Variants in DPP6 observed in about 807,000 individuals in gnomAD.
DPP6 encodes A-type potassium channel modulatory protein DPP6.
DPP6 carries 69 observed loss-of-function variants against 122.6 expected under a neutral mutation model. That is an observed-to-expected ratio of 0.56 (90% CI 0.46 to 0.69). The LOEUF is 0.69. Among genes scored for constraint, DPP6 ranks in the 30% least tolerant of loss-of-function variants. The pLI, the probability that DPP6 is intolerant of heterozygous loss-of-function variation, is 0.00. For synonymous variants in DPP6, 418 were observed against 433.1 expected, an observed-to-expected ratio of 0.97 and a Z score of 0.43; for missense variants, 928 against 1,116.9, an observed-to-expected ratio of 0.83 and a Z score of 2.41.
At chr7:154,444,818 C>T (rs1819713303) in intron 1 of DPP6, among the ~76,000 whole-genome samples, 1 of 152,238 alleles carries the variant, frequency 6.6e-6, no homozygotes, top group East Asian at 1.9e-4. Context: ...AAAGAAAATA[C>T]TACCTAATAG....
At chr7:153,916,583 A>G (rs913324728) in intron 1 of DPP6, among the ~76,000 whole-genome samples, 1 of 151,282 alleles carries the variant, frequency 6.6e-6, no homozygotes, top group African/African-American at 2.4e-5. Context: ...TAATTTTTGT[A>G]TTTTTAGTAG....
At chr7:153,874,242 G>A in the DPP6 span, among the ~76,000 whole-genome samples, 11 of 124,102 alleles carry the variant, frequency 8.9e-5, no homozygotes, top group Admixed American at 6.7e-4. Context: ...ATAAGCGCGC[G>A]TGCGCACATG....
In DPP6 at chr7:154,090,649, G is replaced by A. The variant is rs574662434; in HGVS notation, c.243+37586G>A. On this transcript the variant is annotated intron_variant, in intron 1 of 25. Transcript: ENST00000377770. ...AGGCTGGACTTGCTGCTTCTGGTCCGTTGAGCTGAGAAGCACAGAGGTTCA... is the reference window on the plus strand; with the variant it reads ...AGGCTGGACTTGCTGCTTCTGGTCCATTGAGCTGAGAAGCACAGAGGTTCA... Among the ~76,000 whole-genome samples, 271 of 151,834 alleles carry A rather than the reference G, an allele frequency of 1.8e-3. 1 individual carries two copies. Among genetic ancestry groups the A allele is most frequent in the African/African-American group, 6.2e-3 (255 of 41,370 alleles).
At chr7:154,646,679 T>A (rs1206992289) in intron 6 of DPP6, among the ~76,000 whole-genome samples, 2 of 151,922 alleles carry the variant, frequency 1.3e-5, no homozygotes, top group African/African-American at 4.8e-5. Context: ...CTTCTTTCTC[T>A]CCGTCATTCT....
At chr7:153,949,800 A>G (rs1802122950) in intron 1 of DPP6, among the ~76,000 whole-genome samples, 2 of 152,210 alleles carry the variant, frequency 1.3e-5, no homozygotes, top group African/African-American at 4.8e-5. Context: ...CTTGCATGAA[A>G]GGGAAGCTGG....
intron 1 of DPP6, among the ~76,000 whole-genome samples, chr7:154,284,122 C>T (rs1432308199): frequency 2.0e-5 from 3 of 151,964 alleles, no homozygotes; most frequent in East Asian, 1.9e-4. Flanking sequence ...TAAAGAGAGG[C>T]GAGTGAGACC....
chr7:154,305,336 A>AGGGCC, intron 1 of DPP6: 8 of 362,140 alleles, frequency 2.2e-5, no homozygotes, highest in South Asian at 6.7e-5. Context: ...CGTCTTGTCT[A>AGGGCC]CCCACCCTCC....
intron 1 of DPP6, among the ~76,000 whole-genome samples, chr7:154,061,881 A>C: frequency 9.5e-6 from 1 of 105,194 alleles, no homozygotes; most frequent in South Asian, 4.1e-4. Context: ...CCCGCGAGGC[A>C]GGGACTGAGA....
rs1345907721 is a variant in DPP6, at chr7:154,483,957, T to C, written c.457+8920T>C. Reference sequence around the variant, plus strand: ...ATCTGCCCGCCTCAGCCTCCCAAAGTGTTGGGATTACAGATGTGAGCCACC... The same window carrying C: ...ATCTGCCCGCCTCAGCCTCCCAAAGCGTTGGGATTACAGATGTGAGCCACC... On this transcript the variant is annotated intron_variant, in intron 3 of 25. Transcript: ENST00000377770. This position sits in a 1 kb window ranked among gnomAD's most constrained non-coding sequence, Gnocchi z 8.1. 5.3e-5 allele frequency among the ~76,000 whole-genome samples: 8 copies of C among 152,318 alleles called. No homozygotes were observed. The East Asian group carries it at 1.5e-3, about 29-fold the overall frequency.
intron 1 of DPP6, among the ~76,000 whole-genome samples, chr7:153,955,440 A>G (rs568352798): frequency 2.6e-5 from 4 of 151,928 alleles, no homozygotes; most frequent in Admixed American, 2.6e-4. Context: ...GTTGTTATTT[A>G]TTTATGTATT....
intron 1 of DPP6, among the ~76,000 whole-genome samples, chr7:154,425,613 T>TATGTGG (rs1817828737): frequency 1.5e-5 from 2 of 130,292 alleles, no homozygotes; most frequent in Non-Finnish European, 3.1e-5. Flanking sequence ...AATGTGTGTG[T>TATGTGG]GTGTGTGGGT....
chr7:153,789,806 C>T, the DPP6 span, among the ~76,000 whole-genome samples: 34 of 152,222 alleles, frequency 2.2e-4, 1 homozygote, highest in South Asian at 7.1e-3. Flanking sequence ...GAGGTAGTGG[C>T]AACTATCATT....
intron 6 of DPP6, among the ~76,000 whole-genome samples, chr7:154,662,707 A>G (rs1837821648): frequency 1.0e-5 from 1 of 95,970 alleles, no homozygotes; most frequent in South Asian, 4.7e-4. Flanking sequence ...TCATATAGTC[A>G]TGGTGAATCA....
intron 17 of DPP6, among the ~76,000 whole-genome samples, chr7:154,855,432 C>CCT: frequency 6.6e-6 from 1 of 152,210 alleles, no homozygotes; most frequent in Admixed American, 6.5e-5. Context: ...TTCCTGTGCT[C>CCT]CTCCCCAGAG....
At chr7:154,211,437 G>A (rs577670424) in intron 1 of DPP6, among the ~76,000 whole-genome samples, 11 of 152,214 alleles carry the variant, frequency 7.2e-5, no homozygotes, top group South Asian at 2.1e-4. Flanking sequence ...GTTTCTTCCC[G>A]ACCCCTTCGC....
rs146028335 is a variant in DPP6, at chr7:154,873,724, A to G, written c.1883+1031A>G. ...ACTTTCCCAGCAGCCATGCATGCACACTCACCCACATGCAGACACACGCAC... is the reference window on the plus strand; with the variant it reads ...ACTTTCCCAGCAGCCATGCATGCACGCTCACCCACATGCAGACACACGCAC... On this transcript the variant is annotated intron_variant, in intron 19 of 25. Transcript: ENST00000377770. Among the ~76,000 whole-genome samples, 220 of 152,212 alleles carry G rather than the reference A, an allele frequency of 1.4e-3. 1 individual carries two copies. Among genetic ancestry groups the G allele is most frequent in the African/African-American group, 5.1e-3 (212 of 41,520 alleles).
chr7:154,557,344 A>C (rs1027064015), intron 4 of DPP6, among the ~76,000 whole-genome samples: 1 of 152,172 alleles, frequency 6.6e-6, no homozygotes, highest in South Asian at 2.1e-4. Flanking sequence ...CCCTCCATCA[A>C]GGAATGTGAC....
At chr7:153,788,662 C>T in the DPP6 span, among the ~76,000 whole-genome samples, 4 of 152,222 alleles carry the variant, frequency 2.6e-5, no homozygotes, top group Non-Finnish European at 5.9e-5. Flanking sequence ...GGTCTCAACT[C>T]ATATTAAAAA....
intron 16 of DPP6, among the ~76,000 whole-genome samples, chr7:154,824,349 G>A (rs1446782104): frequency 7.2e-5 from 11 of 152,124 alleles, no homozygotes; most frequent in Non-Finnish European, 1.0e-4. Context: ...GCGAGACCTC[G>A]GCTCACTGCA....
Sources: allele counts gnomAD v4.1 joint callset (sites outside exome capture counted in the v4.1 genomes callset), GRCh38; gene constraint gnomAD v4.1.1; non-coding constraint Gnocchi (gnomAD v3.1); transcripts MANE v1.5; gene names NCBI Gene and HGNC (gene_info 2026-07-23, HGNC 2026-07-21).